RGS17: variants seen among roughly 807,000 people sequenced by gnomAD.
The protein encoded by RGS17 is regulator of G-protein signaling 17.
Under a neutral mutation model 25.5 loss-of-function variants are expected in RGS17, and 12 were observed. The ratio of observed to expected loss-of-function variants is 0.47; its 90% CI spans 0.30 to 0.76. The LOEUF is 0.76. Among genes scored for constraint, RGS17 ranks in the 30% least tolerant of loss-of-function variants. RGS17 has a pLI of 0.07. For missense variants in RGS17, 196 were observed against 242.2 expected, an observed-to-expected ratio of 0.81 and a Z score of 1.27; for synonymous variants, 71 against 76.9, an observed-to-expected ratio of 0.92 and a Z score of 0.40.
chr6:153,073,117 G>A (rs771825103), intron 1 of RGS17, among the ~76,000 whole-genome samples: 3 of 152,150 alleles, frequency 2.0e-5, no homozygotes, highest in Non-Finnish European at 2.9e-5. Context: ...TAGGATGTAG[G>A]TGTCCCCTTC....
At chr6:153,018,805 AT>A (rs1340197610) in intron 4 of RGS17, among the ~76,000 whole-genome samples, 3 of 152,226 alleles carry the variant, frequency 2.0e-5, no homozygotes, top group Non-Finnish European at 4.4e-5. Flanking sequence ...AATAGTCAAT[AT>A]TTTTTGAATG....
Position 153,043,943 on chromosome 6 carries a change from T to C in RGS17, c.76A>G (p.Asn26Asp). The C allele has an allele frequency of 6.2e-7, 1 of 1,612,686 alleles. No individual in the cohort carries two copies. The highest frequency in any genetic ancestry group is 1.1e-5 in the South Asian group (1 of 90,874). ...CAGCACCAACAAAAGCAACAGGTGT[T>C]GTTGGGCCTCTGGTTTCCAGGAGCT... ...SQAPGNQRPN[N>D]TCCFCWCCCC... The change falls in exon 2 of 5, where the codon AAC becomes GAC. Residue 26 changes from asparagine (N) to aspartate (D), a missense_variant. Asn to Asp is a conservative substitution (Grantham distance 23, BLOSUM62 1). This residue lies in a region of RGS17 where 17 missense variants were observed against 44.7 expected (regional missense o/e 0.38). Transcript: ENST00000206262.
At chr6:153,061,769 C>A (rs537680073) in intron 1 of RGS17, among the ~76,000 whole-genome samples, 60 of 152,190 alleles carry the variant, frequency 3.9e-4, no homozygotes, top group African/African-American at 1.4e-3. Flanking sequence ...ATGTAACATA[C>A]CTATATGTTA....
At chr6:153,065,264 T>C (rs183544392) in intron 1 of RGS17, among the ~76,000 whole-genome samples, 29 of 152,286 alleles carry the variant, frequency 1.9e-4, no homozygotes, top group African/African-American at 7.0e-4. Flanking sequence ...TTTAAATATA[T>C]GTGCATCCAA....
At chr6:153,110,202 C>G (rs1274386843) in intron 1 of RGS17, among the ~76,000 whole-genome samples, 2 of 152,144 alleles carry the variant, frequency 1.3e-5, no homozygotes, top group Non-Finnish European at 2.9e-5. Flanking sequence ...TAAGTTTCCT[C>G]TAGTTACTCT....
chr6:153,078,408 A>T (rs1776918608), intron 1 of RGS17, among the ~76,000 whole-genome samples: 1 of 152,082 alleles, frequency 6.6e-6, no homozygotes, highest in Admixed American at 6.6e-5. Flanking sequence ...TGAACATGGT[A>T]TCTCTTCATA....
chr6:153,106,705 C>T (rs1175502404), intron 1 of RGS17, among the ~76,000 whole-genome samples: 5 of 151,906 alleles, frequency 3.3e-5, no homozygotes, highest in Admixed American at 2.6e-4. Flanking sequence ...TGCAATGGTG[C>T]GATTTCAGCT....
At position 153,054,114 on chromosome 6, in the gene RGS17, GTGTATA is replaced by G. The variant is rs1376816533; in HGVS notation, c.-25-10077_-25-10072del. Among the ~76,000 whole-genome samples the G allele has an allele frequency of 9.3e-4, 45 of 48,530 alleles. 11 individuals carry two copies. The highest frequency in any genetic ancestry group is 1.7e-3 in the African/African-American group (22 of 12,812). 31.8% of individuals were successfully genotyped at this position (48,530 alleles called of 152,430 possible). ...TTTTTATATATATATATATATATAT[GTGTATA>G]TATATATATATACAGCTTTATACCA... On this transcript the variant is annotated intron_variant, in intron 1 of 4. Transcript: ENST00000206262.
intron 1 of RGS17, among the ~76,000 whole-genome samples, chr6:153,051,898 G>A (rs1776466097): frequency 6.6e-6 from 1 of 152,210 alleles, no homozygotes; most frequent in African/African-American, 2.4e-5. Flanking sequence ...TACCTCAGCA[G>A]GAAAACTGCC....
chr6:153,044,903 A>G (rs923800520), intron 1 of RGS17, among the ~76,000 whole-genome samples: 6 of 152,212 alleles, frequency 3.9e-5, no homozygotes, highest in African/African-American at 1.4e-4. Context: ...GTCTTTGAGT[A>G]ATATCAAATT....
At chr6:153,117,242 GAGA>G (rs1264644890) in intron 1 of RGS17, among the ~76,000 whole-genome samples, 17 of 152,130 alleles carry the variant, frequency 1.1e-4, no homozygotes, top group Admixed American at 5.9e-4. Flanking sequence ...CAGCAGGAGA[GAGA>G]AGAATGAGAG....
At chr6:153,036,451 T>C (rs1402879904) in intron 2 of RGS17, among the ~76,000 whole-genome samples, 1 of 152,180 alleles carries the variant, frequency 6.6e-6, no homozygotes, top group Admixed American at 6.5e-5. Flanking sequence ...TGGTGTGTCC[T>C]GAGGTTTCTG....
At chr6:153,053,753 A>G (rs1776493683) in intron 1 of RGS17, among the ~76,000 whole-genome samples, 1 of 151,380 alleles carries the variant, frequency 6.6e-6, no homozygotes, top group Non-Finnish European at 1.5e-5. Flanking sequence ...GGATCGCACC[A>G]TGTACTCTAG....
chr6:153,097,213 G>A (rs1423890776), intron 1 of RGS17, among the ~76,000 whole-genome samples: 2 of 148,230 alleles, frequency 1.3e-5, no homozygotes, highest in East Asian at 2.0e-4. Flanking sequence ...GATCCCAAAT[G>A]TTTTCTCTCC....
rs542077237 is a variant in RGS17 at position 153,064,404 on chromosome 6, G to A, written c.-25-20361C>T. ...CCAGCACTTTGGGAGGCTGAGGCAG[G>A]TGGATCATGAGGTGAGGAGATTGAG... On this transcript the variant is annotated intron_variant, in intron 1 of 4. Coordinates refer to ENST00000206262, the MANE Select transcript of RGS17 (RefSeq NM_012419.5). 1.1e-3 allele frequency among the ~76,000 whole-genome samples: 166 copies of A among 152,296 alleles called. 5 individuals carry two copies. In the South Asian group the frequency reaches 0.033, roughly 30 times the overall value.
At chr6:153,101,424 G>C (rs1375013683) in intron 1 of RGS17, among the ~76,000 whole-genome samples, 2 of 152,196 alleles carry the variant, frequency 1.3e-5, no homozygotes, top group African/African-American at 4.8e-5. Flanking sequence ...ATCCGCCATG[G>C]AGGCCAAGGG....
intron 1 of RGS17, among the ~76,000 whole-genome samples, chr6:153,129,060 G>T (rs1051980741): frequency 1.3e-5 from 2 of 152,160 alleles, no homozygotes; most frequent in Non-Finnish European, 2.9e-5. Flanking sequence ...AGTGCCCCTG[G>T]CTCTGAGATC....
intron 1 of RGS17, among the ~76,000 whole-genome samples, chr6:153,094,121 G>A (rs996096331): frequency 2.0e-5 from 3 of 151,648 alleles, no homozygotes; most frequent in African/African-American, 7.3e-5. Context: ...TGTCGCCCAG[G>A]CTGGAGTGCA....
At chr6:153,079,817 G>T (rs1224513170) in intron 1 of RGS17, among the ~76,000 whole-genome samples, 1 of 151,962 alleles carries the variant, frequency 6.6e-6, no homozygotes, top group African/African-American at 2.4e-5. Flanking sequence ...AATGAATTGA[G>T]AAGTGTTCCT....
Sources: allele counts gnomAD v4.1 joint callset (sites outside exome capture counted in the v4.1 genomes callset), GRCh38; gene constraint gnomAD v4.1.1; regional missense constraint gnomAD v4.1.1; transcripts MANE v1.5; gene names NCBI Gene and HGNC (gene_info 2026-07-23, HGNC 2026-07-21).